The following MEGF9 variants were observed in gnomAD, a reference collection of about 807,000 sequenced individuals.
MEGF9 encodes the protein multiple epidermal growth factor-like domains protein 9.
A neutral mutation model predicts 46.8 loss-of-function variants in MEGF9; 6 were observed. That is an observed-to-expected ratio of 0.13 (90% confidence interval 0.07 to 0.25). The LOEUF (loss-of-function observed/expected upper bound fraction) is 0.25, where lower values mean the gene tolerates loss of function less well. Among genes scored for constraint, MEGF9 ranks in the 10% least tolerant of loss-of-function variants. The pLI is 1.00. For synonymous variants in MEGF9, 302 were observed against 330.7 expected, an observed-to-expected ratio of 0.91 and a Z score of 0.94; for missense variants, 683 against 792.4, an observed-to-expected ratio of 0.86 and a Z score of 1.66.
intron 2 of MEGF9, among the ~76,000 whole-genome samples, chr9:120,629,064 C>T (rs2043539644): frequency 6.6e-6 from 1 of 152,152 alleles, no homozygotes; most frequent in Non-Finnish European, 1.5e-5. Context: ...CAGCCTCAAC[C>T]TCCCTGGCTC....
At chr9:120,656,056 C>T (rs1040897233) in intron 2 of MEGF9, among the ~76,000 whole-genome samples, 9 of 152,058 alleles carry the variant, frequency 5.9e-5, no homozygotes, top group Admixed American at 3.3e-4. Flanking sequence ...GTGTTAAATA[C>T]CAAGAGGCTT....
At chr9:120,694,788 G>A (rs1176430361) in intron 1 of MEGF9, among the ~76,000 whole-genome samples, 1 of 152,116 alleles carries the variant, frequency 6.6e-6, no homozygotes, top group Admixed American at 6.5e-5. Flanking sequence ...CCCTTTTCTG[G>A]TTATGTTTCT....
At chr9:120,682,775 A>G (rs1358568754) in intron 1 of MEGF9, among the ~76,000 whole-genome samples, 2 of 152,084 alleles carry the variant, frequency 1.3e-5, no homozygotes, top group African/African-American at 4.8e-5. Context: ...TAGAGACAGG[A>G]TCTTGCTATG....
intron 2 of MEGF9, among the ~76,000 whole-genome samples, chr9:120,628,924 A>C (rs1219671752): frequency 6.6e-6 from 1 of 152,186 alleles, no homozygotes; most frequent in Non-Finnish European, 1.5e-5. Context: ...ACAATCTCAT[A>C]GCCTCTGAAA....
chr9:120,616,887 C>T (rs2132301425), intron 3 of MEGF9, among the ~76,000 whole-genome samples: 1 of 152,182 alleles, frequency 6.6e-6, no homozygotes, highest in South Asian at 2.1e-4. Context: ...TTCCATAGGA[C>T]ATAATGTTTT....
chr9:120,682,972 T>C (rs777667845), intron 1 of MEGF9, among the ~76,000 whole-genome samples: 17 of 152,112 alleles, frequency 1.1e-4, no homozygotes, highest in Non-Finnish European at 1.0e-4. Flanking sequence ...CTTGGGAAAA[T>C]ACATGGGGCA....
At chr9:120,671,917 T>G (rs895224207) in intron 1 of MEGF9, among the ~76,000 whole-genome samples, 1 of 152,168 alleles carries the variant, frequency 6.6e-6, no homozygotes, top group African/African-American at 2.4e-5. Context: ...TATAAAAAGA[T>G]TAAGTGGGAT....
chr9:120,617,974 G>C lies in MEGF9; in HGVS notation c.943+4642C>G, dbSNP rs2043479742. Among the ~76,000 whole-genome samples, 3 of 151,896 alleles carry C rather than the reference G, an allele frequency of 2.0e-5. No individual in the cohort carries two copies. In the South Asian group the frequency reaches 6.2e-4, roughly 32 times the overall value. ...ATAGAGCAGGCTTAACTTATAAGTTGAAAAAAAAGTTGTTTTGGATGTGTT... is the reference window on the plus strand; with the variant it reads ...ATAGAGCAGGCTTAACTTATAAGTTCAAAAAAAAGTTGTTTTGGATGTGTT... On this transcript the variant is annotated intron_variant, in intron 3 of 5. Transcript: ENST00000373930.
At chr9:120,664,944 C>T (rs2043718465) in intron 1 of MEGF9, among the ~76,000 whole-genome samples, 1 of 152,182 alleles carries the variant, frequency 6.6e-6, no homozygotes, top group African/African-American at 2.4e-5. Context: ...TCAATACATG[C>T]ATACAATGTG....
chr9:120,665,167 C>T (rs2132325328), intron 1 of MEGF9, among the ~76,000 whole-genome samples: 1 of 152,188 alleles, frequency 6.6e-6, no homozygotes, highest in Admixed American at 6.6e-5. Context: ...CCCATCCTTC[C>T]TTCTCACCTA....
intron 4 of MEGF9, among the ~76,000 whole-genome samples, chr9:120,609,120 T>G (rs570663923): frequency 1.2e-4 from 18 of 152,188 alleles, no homozygotes; most frequent in Non-Finnish European, 1.8e-4. Flanking sequence ...TTTTAGTACT[T>G]TTCATAATCT....
chr9:120,625,584 C>A (rs1456269432), intron 2 of MEGF9, among the ~76,000 whole-genome samples: 1 of 151,542 alleles, frequency 6.6e-6, no homozygotes, highest in Non-Finnish European at 1.5e-5. Context: ...GCCTGTAATC[C>A]TAGCACTTTC....
chr9:120,620,544 A>G (rs978228612), intron 3 of MEGF9, among the ~76,000 whole-genome samples: 1 of 152,232 alleles, frequency 6.6e-6, no homozygotes, highest in African/African-American at 2.4e-5. Flanking sequence ...ATACAAGTAT[A>G]TGTGAGAGCA....
rs2043631825 is a variant in MEGF9 at position 120,647,689 on chromosome 9, C to G, written c.803+11685G>C. Among the ~76,000 whole-genome samples, 3 of 152,154 alleles carry G rather than the reference C, an allele frequency of 2.0e-5. No individual in the cohort carries two copies. In the South Asian group the frequency reaches 6.2e-4, roughly 31 times the overall value. On this transcript the variant is annotated intron_variant, in intron 2 of 5. Transcript: ENST00000373930. Reference sequence around the variant, plus strand: ...TCCTACAAAATAGCATAAGAATATGCTAGATTAGATTTTGAGTTTGACACA... The same window carrying G: ...TCCTACAAAATAGCATAAGAATATGGTAGATTAGATTTTGAGTTTGACACA...
intron 3 of MEGF9, among the ~76,000 whole-genome samples, chr9:120,621,071 T>G (rs1227470164): frequency 1.3e-5 from 2 of 152,196 alleles, no homozygotes; most frequent in Admixed American, 1.3e-4. Context: ...GATACTTAAT[T>G]CTTACATTTA....
In MEGF9 at chr9:120,605,105, A is replaced by G; in HGVS notation, c.*85T>C. The G allele has an allele frequency of 7.2e-7, 1 of 1,394,172 alleles. No homozygotes were observed. The highest frequency in any genetic ancestry group is 9.7e-7 in the Non-Finnish European group (1 of 1,028,730). The allele number at this position is 1,394,172 out of a possible 1,614,324, so 86.4% of individuals were successfully genotyped here. ...CTATTTGCCTTTGCTTTCTCAGCAA[A>G]CTCTAGCCAGGCTTTGTCTGGCCCA... On this transcript the variant is annotated 3_prime_UTR_variant, in exon 6 of 6. Transcript: ENST00000373930. The surrounding 1 kb of genome is among the most constrained non-coding windows in gnomAD (Gnocchi z 4.0).
intron 1 of MEGF9, among the ~76,000 whole-genome samples, chr9:120,708,874 T>A (rs1278563726): frequency 6.6e-6 from 1 of 152,156 alleles, no homozygotes; most frequent in Non-Finnish European, 1.5e-5. Flanking sequence ...AAGTCCAGAA[T>A]GAAAGAAGAC....
intron 2 of MEGF9, among the ~76,000 whole-genome samples, chr9:120,625,833 C>CAAAAAAAAAAAAAA (rs763605820): frequency 8.8e-6 from 1 of 113,184 alleles, no homozygotes; most frequent in Non-Finnish European, 1.7e-5. Context: ...CTCTGTCTCA[C>CAAAAAAAAAAAAAA]AAAAAAAAAA....
At chr9:120,651,705 T>A (rs1587984523) in intron 2 of MEGF9, among the ~76,000 whole-genome samples, 1 of 149,764 alleles carries the variant, frequency 6.7e-6, no homozygotes, top group Non-Finnish European at 1.5e-5. Context: ...CAGGCTGGAG[T>A]GCAATGGCAT....
Sources: gnomAD v4.1 joint callset for allele counts (sites outside exome capture counted in the v4.1 genomes callset) on GRCh38, gnomAD v4.1.1 for gene constraint, Gnocchi (gnomAD v3.1) non-coding constraint, MANE v1.5 for transcripts, NCBI Gene and HGNC (gene_info 2026-07-23, HGNC 2026-07-21) for gene names.